CELF2: variants seen among roughly 807,000 people sequenced by gnomAD.
CELF2 encodes the protein CUGBP Elav-like family member 2.
In CELF2, 8 loss-of-function variants were observed where a neutral mutation model predicts 62.6. That is an observed-to-expected ratio of 0.13 (90% CI 0.07 to 0.23). The LOEUF (loss-of-function observed/expected upper bound fraction) is 0.23, where lower values mean the gene tolerates loss of function less well. CELF2 is among the 10% of genes least tolerant of loss of function. The pLI is 1.00. For synonymous variants in CELF2, 258 were observed against 250.0 expected, an observed-to-expected ratio of 1.03 and a Z score of -0.30; for missense variants, 333 against 671.0, an observed-to-expected ratio of 0.50 and a Z score of 5.56.
At chr10:10,906,717 C>CTTTTTTTTTTTTTTTTTTTT (rs397846553) in intron 1 of CELF2, among the ~76,000 whole-genome samples, 8 of 109,280 alleles carry the variant, frequency 7.3e-5, no homozygotes, top group Admixed American at 1.3e-4. Context: ...TTTTTCTTTT[C>CTTTTTTTTTTTTTTTTTTTT]TTTTTTTTTT....
chr10:11,056,782 A>G (rs1165185892), intron 1 of CELF2, among the ~76,000 whole-genome samples: 1 of 152,238 alleles, frequency 6.6e-6, no homozygotes, highest in Non-Finnish European at 1.5e-5. Context: ...CAGTGTTAGA[A>G]GCAAATCTGA....
the CELF2 span, among the ~76,000 whole-genome samples, chr10:10,647,786 A>T: frequency 6.6e-6 from 1 of 152,220 alleles, no homozygotes; most frequent in South Asian, 2.1e-4. Context: ...AAAATGTTTT[A>T]ATGGGCTTAC....
rs1317847550 is a variant in CELF2 at position 10,922,045 on chromosome 10, C to A, written c.89+2046C>A. On this transcript the variant is annotated intron_variant, in intron 2 of 13. Coordinates refer to the CELF2 transcript ENST00000636488. ...AGTACAAATTGTTGCCATCTGTTAC[C>A]GGAGATAAGCACATTTGGTTGCTTT... is the stretch of plus-strand genomic sequence containing the variant. Among the ~76,000 whole-genome samples the A allele has an allele frequency of 2.0e-5, 3 of 151,866 alleles. No individual in the cohort carries two copies. The South Asian group carries it at 6.2e-4, about 32-fold the overall frequency.
At chr10:11,096,748 G>A (rs117045181) in intron 1 of CELF2, among the ~76,000 whole-genome samples, 1 of 152,162 alleles carries the variant, frequency 6.6e-6, no homozygotes, top group Non-Finnish European at 1.5e-5. Context: ...AACTTAGGAA[G>A]CAACAAGTCA....
the CELF2 span, among the ~76,000 whole-genome samples, chr10:10,768,122 C>T: frequency 2.7e-5 from 4 of 150,618 alleles, no homozygotes; most frequent in South Asian, 2.1e-4. Context: ...GCTGAGACCA[C>T]GCCACTGCAC....
Position 10,898,230 on chromosome 10 carries a change from T to C in CELF2, c.54-21734T>C, listed in dbSNP as rs985639. 7.1e-3 allele frequency among the ~76,000 whole-genome samples: 1,087 copies of C among 152,330 alleles called. 12 individuals carry two copies. Among genetic ancestry groups the C allele is most frequent in the African/African-American group, 0.025 (1,051 of 41,574 alleles). On this transcript the variant is annotated intron_variant, in intron 1 of 13. Coordinates refer to the CELF2 transcript ENST00000636488. Reference sequence around the variant, plus strand: ...ACAGACGGACAAGAATTTTCCCAGATTGGATCATACCCAGTGTCTCACCAA... The same window carrying C: ...ACAGACGGACAAGAATTTTCCCAGACTGGATCATACCCAGTGTCTCACCAA...
the CELF2 span, among the ~76,000 whole-genome samples, chr10:10,703,015 G>A: frequency 2.0e-5 from 3 of 152,154 alleles, no homozygotes; most frequent in African/African-American, 7.2e-5. Flanking sequence ...TTTACCCAAA[G>A]GGTCATCCCA....
At chr10:10,743,673 T>G in the CELF2 span, among the ~76,000 whole-genome samples, 1 of 152,240 alleles carries the variant, frequency 6.6e-6, no homozygotes, top group Non-Finnish European at 1.5e-5. Flanking sequence ...GTTGTTTATT[T>G]CACACTTGAT....
rs184218644 is a variant in CELF2 at position 10,818,051 on chromosome 10, G to A, written c.53+19234G>A. On this transcript the variant is annotated intron_variant, in intron 1 of 13. Coordinates refer to the CELF2 transcript ENST00000636488. ...ACTCATTAAACAAACTGATGTTGCC[G>A]CTAATATCACTTGTACATAAAGCCA... 2.0e-5 allele frequency among the ~76,000 whole-genome samples: 3 copies of A among 152,186 alleles called. No homozygotes were observed. The East Asian group carries it at 5.8e-4, about 29-fold the overall frequency.
chr10:10,694,245 A>G, the CELF2 span, among the ~76,000 whole-genome samples: 12 of 151,862 alleles, frequency 7.9e-5, no homozygotes, highest in African/African-American at 2.9e-4. Context: ...GAACATTTTT[A>G]TTTCTGCCTT....
At chr10:10,689,506 C>T in the CELF2 span, among the ~76,000 whole-genome samples, 34,616 of 152,082 alleles carry the variant, frequency 0.23, 4,143 homozygotes, top group South Asian at 0.43. Context: ...GCACATTTCA[C>T]AAAATCATAA....
At chr10:10,527,911 C>G in the CELF2 span, among the ~76,000 whole-genome samples, 1 of 152,224 alleles carries the variant, frequency 6.6e-6, no homozygotes, top group East Asian at 1.9e-4. Context: ...CTAGCAGATT[C>G]ATTGACATTT....
At chr10:11,221,829 G>A (rs2064962475) in intron 3 of CELF2, among the ~76,000 whole-genome samples, 1 of 152,158 alleles carries the variant, frequency 6.6e-6, no homozygotes, top group African/African-American at 2.4e-5. Flanking sequence ...AGGAGTTATT[G>A]CCCTAAGAGA....
chr10:11,104,701 C>T (rs1165009091), intron 1 of CELF2, among the ~76,000 whole-genome samples: 3 of 152,174 alleles, frequency 2.0e-5, no homozygotes, highest in African/African-American at 7.2e-5. Flanking sequence ...AAATAACATA[C>T]TCTTGAACTA....
chr10:10,962,251 T>C (rs530479021), intron 2 of CELF2, among the ~76,000 whole-genome samples: 8 of 152,196 alleles, frequency 5.3e-5, no homozygotes, highest in East Asian at 1.9e-4. Context: ...CAGCACCACA[T>C]GGTAGAGGTT....
intron 9 of CELF2, among the ~76,000 whole-genome samples, chr10:11,312,413 C>T (rs1322750951): frequency 1.3e-5 from 2 of 152,108 alleles, no homozygotes; most frequent in Non-Finnish European, 2.9e-5. Context: ...AAACTGAAAA[C>T]CAAGCTACAA....
At chr10:10,488,871 C>T in the CELF2 span, among the ~76,000 whole-genome samples, 3 of 152,058 alleles carry the variant, frequency 2.0e-5, no homozygotes, top group South Asian at 2.1e-4. Flanking sequence ...CAAGAAGGAG[C>T]TTGGGATCAA....
intron 1 of CELF2, among the ~76,000 whole-genome samples, chr10:10,823,127 T>C (rs1162618487): frequency 6.6e-6 from 1 of 152,212 alleles, no homozygotes; most frequent in Non-Finnish European, 1.5e-5. Context: ...AGTTTTCTTT[T>C]TTAAAAAATC....
At chr10:11,249,403 GGC>G (rs1427419176) in intron 4 of CELF2, among the ~76,000 whole-genome samples, 1 of 152,144 alleles carries the variant, frequency 6.6e-6, no homozygotes, top group Non-Finnish European at 1.5e-5. Flanking sequence ...GATGATCTCT[GGC>G]GTAAAGATGT....
Sources: allele counts gnomAD v4.1 joint callset (sites outside exome capture counted in the v4.1 genomes callset), GRCh38; gene constraint gnomAD v4.1.1; transcripts MANE v1.5; gene names NCBI Gene and HGNC (gene_info 2026-07-23, HGNC 2026-07-21).